Variants in STPG1 observed in about 807,000 individuals in gnomAD.
STPG1 encodes O(6)-methylguanine-induced apoptosis 2.
Under a neutral mutation model 40.1 loss-of-function variants are expected in STPG1, and 33 were observed. The ratio of observed to expected loss-of-function variants is 0.82; its 90% confidence interval spans 0.62 to 1.10. The LOEUF (loss-of-function observed/expected upper bound fraction) is 1.10, where lower values mean the gene tolerates loss of function less well. Among genes scored for constraint, STPG1 ranks in the 50% least tolerant of loss-of-function variants. The pLI is 0.00. For missense variants in STPG1, 396 were observed against 415.1 expected (o/e 0.95, Z 0.40); for synonymous variants, 150 against 155.0 (o/e 0.97, Z 0.24).
At chr1:24,366,644 G>C (rs1404941244) in intron 7 of STPG1, among the ~76,000 whole-genome samples, 1 of 152,100 alleles carries the variant, frequency 6.6e-6, no homozygotes, top group East Asian at 1.9e-4. Context: ...GTGGGTCCAG[G>C]CTGGCTCCAC....
At chr1:24,389,654 T>C (rs1398894028) in intron 3 of STPG1, among the ~76,000 whole-genome samples, 1 of 152,096 alleles carries the variant, frequency 6.6e-6, no homozygotes, top group Non-Finnish European at 1.5e-5. Flanking sequence ...AAAGTACACA[T>C]AGTAAGGATA....
Position 24,358,151 on chromosome 1 carries a change from G to C in STPG1, c.*392C>G. 2 of 475,544 alleles carry C rather than the reference G, an allele frequency of 4.2e-6. No individual in the cohort carries two copies. The highest frequency in any genetic ancestry group is 3.1e-5 in the South Asian group (2 of 63,994). 29.5% of individuals were successfully genotyped at this position (475,544 alleles called of 1,614,324 possible). ...GAAGGAATGAAACAGGGAAGGGTGG[G>C]GCTTCCAGGCTTGGCCACCTTCAGG... is the stretch of plus-strand genomic sequence containing the variant. On this transcript the variant is annotated 3_prime_UTR_variant, in exon 9 of 9. Coordinates refer to ENST00000337248, the MANE Select transcript of STPG1 (RefSeq NM_001199013.2).
intron 4 of STPG1, among the ~76,000 whole-genome samples, chr1:24,381,459 C>T (rs1361412863): frequency 6.6e-6 from 1 of 152,222 alleles, no homozygotes; most frequent in East Asian, 1.9e-4. Flanking sequence ...AACTTCTCTC[C>T]AGCACCTACT....
At chr1:24,388,797 C>T (rs969596966) in intron 3 of STPG1, among the ~76,000 whole-genome samples, 6 of 152,088 alleles carry the variant, frequency 3.9e-5, no homozygotes, top group South Asian at 2.1e-4. Flanking sequence ...CCATTTCCCT[C>T]GGGAAAAATG....
chr1:24,381,474 T>A (rs555079153), intron 4 of STPG1, among the ~76,000 whole-genome samples: 1 of 152,164 alleles, frequency 6.6e-6, no homozygotes, highest in Admixed American at 6.5e-5. Context: ...CCTACTAACT[T>A]TTCTAGAGCC....
chr1:24,413,819 T>C (rs1168700305), upstream of STPG1: 5 of 152,192 alleles, frequency 3.3e-5, no homozygotes, highest in Non-Finnish European at 5.9e-5. Flanking sequence ...ACGTGAAAAG[T>C]TGTTGACCAA....
chr1:24,362,720 T>C (rs556709778), intron 7 of STPG1, among the ~76,000 whole-genome samples: 2 of 151,872 alleles, frequency 1.3e-5, no homozygotes, highest in South Asian at 2.1e-4. Flanking sequence ...CCCAGAGTCA[T>C]GCTGAGGCAG....
chr1:24,378,044 C>T (rs955925068), intron 5 of STPG1, among the ~76,000 whole-genome samples: 1 of 150,980 alleles, frequency 6.6e-6, no homozygotes, highest in Admixed American at 6.6e-5. Flanking sequence ...TTTTCAGGCT[C>T]TGATTATGCC....
intron 4 of STPG1, among the ~76,000 whole-genome samples, chr1:24,381,154 A>T (rs879569048): frequency 6.6e-6 from 1 of 152,142 alleles, no homozygotes; most frequent in African/African-American, 2.4e-5. Context: ...ACTACATGAC[A>T]TGGATCAGAG....
At chr1:24,371,450 G>T (rs184635506) in intron 6 of STPG1, among the ~76,000 whole-genome samples, 1 of 152,110 alleles carries the variant, frequency 6.6e-6, no homozygotes. Flanking sequence ...AATTAGCCAG[G>T]TGTGGTGGTG....
At chr1:24,392,541 C>T (rs186347762) in intron 2 of STPG1, among the ~76,000 whole-genome samples, 100 of 152,274 alleles carry the variant, frequency 6.6e-4, no homozygotes, top group African/African-American at 2.1e-3. Context: ...CCACGCAGAC[C>T]CCTGCCCTCA....
chr1:24,413,571 G>C (rs941875420), intron 1 of STPG1, 103 bp downstream of exon 1: 2 of 152,328 alleles, frequency 1.3e-5, no homozygotes, highest in African/African-American at 2.4e-5. Context: ...AGCACCCGGA[G>C]GCCGGGGGGT....
chr1:24,360,179 T>C (rs1386526363), intron 8 of STPG1, among the ~76,000 whole-genome samples: 1 of 152,216 alleles, frequency 6.6e-6, no homozygotes. Flanking sequence ...GCACAGTGGC[T>C]CACGCCTGTA....
chr1:24,401,597 C>T (rs1174701511), intron 1 of STPG1, 141 bp from the exon 2 acceptor site: 2 of 581,546 alleles, frequency 3.4e-6, no homozygotes, highest in Non-Finnish European at 6.2e-6. Flanking sequence ...GACCCAAAGT[C>T]CCAAGCACAT....
rs1347232661 is a variant in STPG1, at chr1:24,373,797, C to G, written c.476G>C (p.Cys159Ser). Residue 159 changes from cysteine to serine, a missense_variant, in exon 6 of 9, where the codon TGC becomes TCC. Transcript: ENST00000337248. ...ACAGACGTTGTTTCTCTGCTTGCAG[C>G]AAGAGACAGAGGCCTAGGGGGAGAA... ...APNYYNASVS[C>S]CKQRNNVCTR... The G allele has an allele frequency of 6.2e-7, 1 of 1,608,386 alleles. No homozygotes were observed. Among genetic ancestry groups the G allele is most frequent in the Non-Finnish European group, 8.5e-7 (1 of 1,175,144 alleles).
chr1:24,388,609 A>G lies in STPG1; in HGVS notation c.189+2952T>C, dbSNP rs555942235. Among the ~76,000 whole-genome samples, 3 of 152,340 alleles carry G rather than the reference A, an allele frequency of 2.0e-5. No homozygotes were observed. In the East Asian group the frequency reaches 5.8e-4, roughly 29 times the overall value. Reference sequence around the variant, plus strand: ...TGATTCTCTGTGTCAAAGATGTGCTAAGGTGGGCCACAGGACTACTGCGAG... The same window carrying G: ...TGATTCTCTGTGTCAAAGATGTGCTGAGGTGGGCCACAGGACTACTGCGAG... On this transcript the variant is annotated intron_variant, in intron 3 of 8. Transcript: ENST00000337248.
intron 7 of STPG1, among the ~76,000 whole-genome samples, chr1:24,363,635 T>A (rs144332998): frequency 1.5e-3 from 230 of 152,370 alleles, no homozygotes; most frequent in African/African-American, 5.3e-3. Context: ...GCTTTACTTG[T>A]AACATTTGTT....
intron 3 of STPG1, among the ~76,000 whole-genome samples, chr1:24,384,609 C>T (rs1341492259): frequency 6.6e-6 from 1 of 152,190 alleles, no homozygotes; most frequent in Non-Finnish European, 1.5e-5. Flanking sequence ...GAGGTCACTT[C>T]CAAGTTCATT....
intron 4 of STPG1, among the ~76,000 whole-genome samples, chr1:24,383,273 T>C (rs1479183206): frequency 6.6e-6 from 1 of 152,234 alleles, no homozygotes; most frequent in Non-Finnish European, 1.5e-5. Context: ...CCTTGCTGTA[T>C]CTGTTTTTCT....
Sources: gnomAD v4.1 joint callset for allele counts (sites outside exome capture counted in the v4.1 genomes callset) on GRCh38, gnomAD v4.1.1 for gene constraint, MANE v1.5 for transcripts, NCBI Gene and HGNC (gene_info 2026-07-23, HGNC 2026-07-21) for gene names.